WWTR1: variants seen among roughly 807,000 people sequenced by gnomAD.
The protein encoded by WWTR1 is WW domain-containing transcription regulator protein 1.
WWTR1 carries 13 observed loss-of-function variants against 40.1 expected under a neutral mutation model. That is an observed-to-expected ratio of 0.32 (90% confidence interval 0.21 to 0.52). The LOEUF is 0.52. Among genes scored for constraint, WWTR1 ranks in the 20% least tolerant of loss-of-function variants. WWTR1 has a pLI of 0.97. For synonymous variants in WWTR1, 230 were observed against 210.1 expected, an observed-to-expected ratio of 1.09 and a Z score of -0.82; for missense variants, 436 against 523.1, an observed-to-expected ratio of 0.83 and a Z score of 1.63.
At chr3:149,622,502 G>GAAGAAAGAAAGA (rs60148340) in intron 2 of WWTR1, among the ~76,000 whole-genome samples, 2,452 of 46,152 alleles carry the variant, frequency 0.053, 182 homozygotes, top group Admixed American at 0.082. Context: ...AGGAAGGAAG[G>GAAGAAAGAAAGA]AAGAAAGAAA....
intron 4 of WWTR1, among the ~76,000 whole-genome samples, chr3:149,541,745 T>C (rs1371882125): frequency 6.6e-6 from 1 of 152,172 alleles, no homozygotes; most frequent in Non-Finnish European, 1.5e-5. Flanking sequence ...CCAGCTGCTA[T>C]GGAATGAGTA....
chr3:149,691,081 A>T (rs79845800), intron 1 of WWTR1, among the ~76,000 whole-genome samples: 1 of 152,068 alleles, frequency 6.6e-6, no homozygotes, highest in African/African-American at 2.4e-5. Context: ...TTTAAAATTT[A>T]AAAATTTTTT....
At chr3:149,594,785 G>A (rs1300860235) in intron 2 of WWTR1, among the ~76,000 whole-genome samples, 1 of 151,190 alleles carries the variant, frequency 6.6e-6, no homozygotes, top group Non-Finnish European at 1.5e-5. Flanking sequence ...AACAACTGGG[G>A]GAATTTGAAT....
At chr3:149,572,560 C>G (rs1411686613) in intron 3 of WWTR1, among the ~76,000 whole-genome samples, 1 of 152,090 alleles carries the variant, frequency 6.6e-6, no homozygotes. Flanking sequence ...AGAAGGGTAA[C>G]ACGGTATTGC....
intron 2 of WWTR1, among the ~76,000 whole-genome samples, chr3:149,627,521 C>T (rs901896760): frequency 6.6e-6 from 1 of 152,134 alleles, no homozygotes; most frequent in Non-Finnish European, 1.5e-5. Context: ...CTGGAAATGC[C>T]AGAGAAGCCA....
chr3:149,536,380 G>A (rs1304803304), intron 4 of WWTR1, among the ~76,000 whole-genome samples: 4 of 152,042 alleles, frequency 2.6e-5, no homozygotes, highest in Non-Finnish European at 5.9e-5. Context: ...CTGTTCTGAA[G>A]CAAAGGCTAT....
intron 3 of WWTR1, among the ~76,000 whole-genome samples, chr3:149,569,906 C>T (rs1328635932): frequency 6.6e-6 from 1 of 152,120 alleles, no homozygotes. Context: ...AACTCCTATG[C>T]CCAAGAGATC....
At chr3:149,523,506 C>T (rs1284385575) in intron 6 of WWTR1, among the ~76,000 whole-genome samples, 2 of 152,198 alleles carry the variant, frequency 1.3e-5, no homozygotes, top group Non-Finnish European at 2.9e-5. Context: ...CCTCGGCCTA[C>T]CAAAGTGCTG....
At chr3:149,565,178 T>C (rs1370346019) in intron 3 of WWTR1, among the ~76,000 whole-genome samples, 3 of 152,056 alleles carry the variant, frequency 2.0e-5, no homozygotes, top group African/African-American at 7.2e-5. Flanking sequence ...CGGACCAAGA[T>C]TGCATCTCAG....
At chr3:149,724,726 T>C (rs1283143664) in exon 3 of WWTR1, 2 of 152,234 alleles carry the variant, frequency 1.3e-5, no homozygotes, top group Non-Finnish European at 2.9e-5. Flanking sequence ...CATGTTTCTC[T>C]TTCACATTTA....
At chr3:149,659,334 T>A (rs1421092009), upstream of WWTR1, 2 of 138,592 alleles carry the variant, frequency 1.4e-5, no homozygotes, top group African/African-American at 5.5e-5. Flanking sequence ...TGCCTTAATT[T>A]TTTTTTTTTT....
chr3:149,541,396 G>A (rs1001247577), intron 4 of WWTR1, among the ~76,000 whole-genome samples: 7 of 152,150 alleles, frequency 4.6e-5, no homozygotes, highest in Non-Finnish European at 8.8e-5. Context: ...CCTGACTGAC[G>A]GAATGAAAAC....
chr3:149,559,280 C>G (rs542911307), intron 3 of WWTR1, among the ~76,000 whole-genome samples: 1 of 94,596 alleles, frequency 1.1e-5, no homozygotes, highest in South Asian at 3.2e-4. Flanking sequence ...GGCAACAGAG[C>G]AAGACTCCAT....
chr3:149,599,809 A>C (rs1317228675), intron 2 of WWTR1, among the ~76,000 whole-genome samples: 1 of 152,252 alleles, frequency 6.6e-6, no homozygotes, highest in Non-Finnish European at 1.5e-5. Flanking sequence ...ATTAAGTTAC[A>C]TGTTCAAAAA....
chr3:149,658,568 C>T (rs1320158712), upstream of WWTR1: 2 of 152,328 alleles, frequency 1.3e-5, no homozygotes, highest in Non-Finnish European at 2.9e-5. Context: ...GCCAGCTTTT[C>T]CACGAGAGGC....
At chr3:149,532,913 A>T (rs1028764449) in intron 4 of WWTR1, among the ~76,000 whole-genome samples, 2 of 152,214 alleles carry the variant, frequency 1.3e-5, no homozygotes, top group Non-Finnish European at 2.9e-5. Context: ...TTCCATGGAA[A>T]CAGAGGGGTG....
intron 4 of WWTR1, among the ~76,000 whole-genome samples, chr3:149,719,648 A>G (rs1715709682): frequency 6.6e-6 from 1 of 152,128 alleles, no homozygotes; most frequent in Admixed American, 6.6e-5. Flanking sequence ...GCACTGCTGG[A>G]TCATATGGTA....
intron 2 of WWTR1, among the ~76,000 whole-genome samples, chr3:149,639,790 G>C (rs1464944820): frequency 1.3e-5 from 2 of 151,864 alleles, no homozygotes; most frequent in Non-Finnish European, 2.9e-5. Context: ...TCAGGAGATC[G>C]AGACCATCCT....
chr3:149,585,121 C>CGTGTGT (rs61655468), intron 2 of WWTR1, among the ~76,000 whole-genome samples: 4,889 of 144,358 alleles, frequency 0.034, 94 homozygotes, highest in Middle Eastern at 0.07. Context: ...TGATTTCTTT[C>CGTGTGT]GTGTGTGTGT....
Sources: gnomAD v4.1 joint callset for allele counts (sites outside exome capture counted in the v4.1 genomes callset) on GRCh38, gnomAD v4.1.1 for gene constraint, MANE v1.5 for transcripts, NCBI Gene and HGNC (gene_info 2026-07-23, HGNC 2026-07-21) for gene names.